The following XXYLT1 variants were observed in gnomAD, a reference collection of about 807,000 sequenced individuals.
XXYLT1 encodes the protein UDP-xylose:alpha-xyloside alpha-1,3-xylosyltransferase.
In XXYLT1, 20 loss-of-function variants were observed where a neutral mutation model predicts 28.9. The observed-to-expected ratio is 0.69, with a 90% CI of 0.49 to 1.00. The LOEUF (loss-of-function observed/expected upper bound fraction) is 1.00. Ranked by LOEUF, XXYLT1 falls within the 50% of genes least tolerant of loss-of-function variation. XXYLT1 has a pLI of 0.00. For missense variants in XXYLT1, 542 were observed against 560.1 expected (o/e 0.97, Z 0.33); for synonymous variants, 257 against 253.8 (o/e 1.01, Z -0.12).
rs1004770178 is a variant in XXYLT1 at position 195,257,639 on chromosome 3, G to A, written c.504+12916C>T. Reference sequence around the variant, plus strand: ...TCCTGGCTGGGCCGGCACGGGCCCCGTAGCTCTCCCTGTGGCTCCCGCTCC... The same window carrying A: ...TCCTGGCTGGGCCGGCACGGGCCCCATAGCTCTCCCTGTGGCTCCCGCTCC... On this transcript the variant is annotated intron_variant, in intron 1 of 3. Transcript: ENST00000310380. This position sits in a 1 kb window ranked among gnomAD's most constrained non-coding sequence, Gnocchi z 4.3. Among the ~76,000 whole-genome samples, 1 of 152,064 alleles carries A rather than the reference G, an allele frequency of 6.6e-6. No homozygotes were observed. The highest frequency in any genetic ancestry group is 2.1e-4 in the South Asian group (1 of 4,822).
intron 2 of XXYLT1, among the ~76,000 whole-genome samples, chr3:195,166,183 A>G (rs7628353): frequency 0.16 from 24,114 of 151,918 alleles, 3,787 homozygotes; most frequent in African/African-American, 0.4. Context: ...TTCCCACAGC[A>G]GACTCCATCA....
chr3:195,095,590 A>G (rs1042801132), intron 3 of XXYLT1: 6 of 153,840 alleles, frequency 3.9e-5, no homozygotes, highest in African/African-American at 7.2e-5. Flanking sequence ...CTGGTGGGCA[A>G]TTCTTCAGGG....
At chr3:195,093,746 G>T (rs1716250878) in intron 3 of XXYLT1, 1 of 151,970 alleles carries the variant, frequency 6.6e-6, no homozygotes, top group African/African-American at 2.4e-5. Flanking sequence ...CCATTACCTG[G>T]GGAAAGTAAT....
intron 2 of XXYLT1, among the ~76,000 whole-genome samples, chr3:195,225,208 T>G (rs1339873042): frequency 6.6e-6 from 1 of 152,140 alleles, no homozygotes; most frequent in Non-Finnish European, 1.5e-5. Context: ...CAATGCTAGA[T>G]CTTCACCCTA....
At chr3:195,167,457 G>C (rs991556662) in intron 2 of XXYLT1, among the ~76,000 whole-genome samples, 4 of 152,132 alleles carry the variant, frequency 2.6e-5, no homozygotes, top group South Asian at 2.1e-4. Flanking sequence ...CGGGAGTGGT[G>C]GTGGGCACCT....
intron 1 of XXYLT1, among the ~76,000 whole-genome samples, chr3:195,242,932 C>CTG (rs1724842586): frequency 1.3e-5 from 2 of 152,174 alleles, no homozygotes; most frequent in African/African-American, 4.8e-5. Flanking sequence ...GACGCCTTTT[C>CTG]TGTTAGAAAA....
rs1297944771 is a variant in XXYLT1 at position 195,078,335 on chromosome 3, G to C, written c.786-8224C>G. Among the ~76,000 whole-genome samples the C allele has an allele frequency of 6.6e-6, 1 of 152,078 alleles. No homozygotes were observed. Among genetic ancestry groups the C allele is most frequent in the African/African-American group, 2.4e-5 (1 of 41,396 alleles). On this transcript the variant is annotated intron_variant, in intron 3 of 3. Coordinates refer to ENST00000310380, the MANE Select transcript of XXYLT1 (RefSeq NM_152531.5). The surrounding 1 kb of genome is among the most constrained non-coding windows in gnomAD (Gnocchi z 5.0). The stretch of plus-strand genomic sequence containing the variant: ...GGGCGTTGGAGGACCCCGGCCACCT[G>C]TCCCTCACACTGACAGCCGAGAGGC...
At chr3:195,119,287 C>CAAAA (rs11328657) in intron 3 of XXYLT1, among the ~76,000 whole-genome samples, 1 of 109,558 alleles carries the variant, frequency 9.1e-6, no homozygotes, top group Non-Finnish European at 1.9e-5. Context: ...CCATCTCAAA[C>CAAAA]AAAAAAAAAA....
chr3:195,122,327 T>C (rs1718403350), intron 3 of XXYLT1: 1 of 601,532 alleles, frequency 1.7e-6, no homozygotes, highest in South Asian at 2.0e-5. Context: ...AGGGCTGAGG[T>C]TAAAAACGCA....
Position 195,156,494 on chromosome 3 carries a change from G to A in XXYLT1, c.740C>T (p.Pro247Leu), listed in dbSNP as rs754661420. 5.6e-6 allele frequency: 9 copies of A among 1,614,120 alleles called. No homozygotes were observed. The East Asian group carries it at 1.1e-4, about 20-fold the overall frequency. Residue 247 changes from proline to leucine, a missense_variant, in exon 3 of 4, where the codon CCA (proline) becomes CTA (leucine). Transcript: ENST00000310380. The part of the protein sequence containing the change: ...ELFEEFDSFL[P>L]GAIIGIAREM... The stretch of plus-strand genomic sequence containing the variant: ...CCGGGCTATGCCGATGATGGCGCCT[G>A]GCAGGAAACTGTCAAATTCCTCAAA...
rs200581361 is a variant in XXYLT1, at chr3:195,069,959, G to A, written c.938C>T (p.Ala313Val). ...CTTGTCGGCCAGCTGCTGCACCTGC[G>A]CCGGCTCCAGCAGGCGGCTGTAGAG... ...SPLYSRLLEP[A>V]QVQQLADKYH... The change falls in exon 4 of 4, where the codon GCG (alanine) becomes GTG (valine). Residue 313 changes from alanine to valine, a missense_variant. By Grantham distance (64) the Ala-to-Val change is moderately conservative. Coordinates refer to ENST00000310380, the MANE Select transcript of XXYLT1 (RefSeq NM_152531.5). The A allele has an allele frequency of 9.1e-5, 147 of 1,611,634 alleles. No individual in the cohort carries two copies. Among genetic ancestry groups the A allele is most frequent in the Non-Finnish European group, 7.5e-5 (88 of 1,179,682 alleles).
Position 195,175,391 on chromosome 3 carries a change from A to G in XXYLT1, c.653-18810T>C, listed in dbSNP as rs189970890. ...GTGAGATGGAACTGGGGGAATGCGG[A>G]CAGAAGGGAAGTCTAAGACCATTCC... On this transcript the variant is annotated intron_variant, in intron 2 of 3. Transcript: ENST00000310380. Among the ~76,000 whole-genome samples, 10 of 152,360 alleles carry G rather than the reference A, an allele frequency of 6.6e-5. 1 individual carries two copies. The highest frequency in any genetic ancestry group is 6.5e-4 in the Admixed American group (10 of 15,302).
At chr3:195,200,399 A>C (rs1476695411) in intron 2 of XXYLT1, among the ~76,000 whole-genome samples, 1 of 152,256 alleles carries the variant, frequency 6.6e-6, no homozygotes, top group Non-Finnish European at 1.5e-5. Context: ...TAATTCATCC[A>C]AGCACACAGT....
chr3:195,168,448 T>C lies in XXYLT1; in HGVS notation c.653-11867A>G, dbSNP rs1721236427. The stretch of plus-strand genomic sequence containing the variant: ...GAAATAAATAGTGTCTTTCCTAGCC[T>C]CAAAATGCAAATACTGGAGGTTTTT... On this transcript the variant is annotated intron_variant, in intron 2 of 3. Transcript: ENST00000310380. This position sits in a 1 kb window ranked among gnomAD's most constrained non-coding sequence, Gnocchi z 4.3. 6.6e-6 allele frequency among the ~76,000 whole-genome samples: 1 copy of C among 152,186 alleles called. No homozygotes were observed. The highest frequency in any genetic ancestry group is 1.5e-5 in the Non-Finnish European group (1 of 68,026).
Position 195,173,451 on chromosome 3 carries a change from A to G in XXYLT1, c.653-16870T>C, listed in dbSNP as rs374730852. ...CACTAAGTAACATTCTGGTTCATAT[A>G]AGACTGGGCGGAAGAACAGCTCCCA... On this transcript the variant is annotated intron_variant, in intron 2 of 3. Transcript: ENST00000310380. This position sits in a 1 kb window ranked among gnomAD's most constrained non-coding sequence, Gnocchi z 4.3. 8.5e-5 allele frequency among the ~76,000 whole-genome samples: 13 copies of G among 152,146 alleles called. No homozygotes were observed. Among genetic ancestry groups the G allele is most frequent in the African/African-American group, 3.1e-4 (13 of 41,416 alleles).
intron 3 of XXYLT1, among the ~76,000 whole-genome samples, chr3:195,102,765 C>T (rs1299811172): frequency 6.6e-6 from 1 of 152,100 alleles, no homozygotes; most frequent in Non-Finnish European, 1.5e-5. Context: ...ATAACGTTGC[C>T]GTGAGCACGG....
chr3:195,080,299 T>A (rs750097645), intron 3 of XXYLT1, among the ~76,000 whole-genome samples: 1 of 152,164 alleles, frequency 6.6e-6, no homozygotes, highest in Non-Finnish European at 1.5e-5. Context: ...ACAACACCCT[T>A]CCTAGCGCTG....
intron 2 of XXYLT1, among the ~76,000 whole-genome samples, chr3:195,170,448 G>A (rs55955852): frequency 1.0e-3 from 153 of 152,214 alleles, no homozygotes; most frequent in Non-Finnish European, 2.0e-3. Context: ...ACCTTCTTCC[G>A]AAGCCAAGTC....
At chr3:195,261,833 C>T (rs571738304) in intron 1 of XXYLT1, among the ~76,000 whole-genome samples, 1 of 152,306 alleles carries the variant, frequency 6.6e-6, no homozygotes, top group East Asian at 1.9e-4. Context: ...TTCACACCCA[C>T]TAGAATAGCT....
Sources: allele counts gnomAD v4.1 joint callset (sites outside exome capture counted in the v4.1 genomes callset), GRCh38; gene constraint gnomAD v4.1.1; non-coding constraint Gnocchi (gnomAD v3.1); transcripts MANE v1.5; gene names NCBI Gene and HGNC (gene_info 2026-07-23, HGNC 2026-07-21).